Variants in TMEM260 observed in about 807,000 individuals in gnomAD.
TMEM260 encodes the protein transmembrane protein 260, also known as protein O-mannosyl-transferase TMEM260.
Under a neutral mutation model 88.9 loss-of-function variants are expected in TMEM260, and 82 were observed. The ratio of observed to expected loss-of-function variants is 0.92; its 90% CI spans 0.77 to 1.11. TMEM260 has a LOEUF of 1.11. TMEM260 is among the 50% of genes least tolerant of loss of function. TMEM260 has a pLI of 0.00. For synonymous variants in TMEM260, 314 were observed against 309.3 expected, an observed-to-expected ratio of 1.02 and a Z score of -0.16; for missense variants, 902 against 853.4, an observed-to-expected ratio of 1.06 and a Z score of -0.71.
rs1486470893 is a variant in TMEM260, at chr14:56,579,890, C to T, written c.-25C>T. 3 of 1,232,120 alleles carry T rather than the reference C, an allele frequency of 2.4e-6. No individual in the cohort carries two copies. Among genetic ancestry groups the T allele is most frequent in the African/African-American group, 3.1e-5 (2 of 64,426 alleles). 76.3% of individuals were successfully genotyped at this position (1,232,120 alleles called of 1,614,324 possible). A position where few individuals can be genotyped will look rare whatever the true frequency, so the allele number is the denominator to read the frequency against. The stretch of plus-strand genomic sequence containing the variant: ...ACCGGGTTCTTGGGCTGGCCGTGTC[C>T]TTCTCCCTCGGTCGCCACTGGCCCA... On this transcript the variant is annotated 5_prime_UTR_variant, in exon 1 of 16. Transcript: ENST00000261556.
chr14:56,585,862 T>C lies in TMEM260; in HGVS notation c.294T>C (p.Cys98=), dbSNP rs1594807900. 2 of 1,613,606 alleles carry C rather than the reference T, an allele frequency of 1.2e-6. No homozygotes were observed. Among genetic ancestry groups the C allele is most frequent in the South Asian group, 1.1e-5 (1 of 91,054 alleles). ...GSIAYRVNLL[C]GLFGAVAASL... is the part of the protein sequence containing the mutation. ...TTGCCTACCGCGTCAATCTTCTCTG[T>C]GGCTTATTTGGAGCAGTAGCTGCAT... is the stretch of plus-strand genomic sequence containing the variant. Residue 98 remains cysteine, a synonymous_variant, in exon 3 of 16, where the codon TGT becomes TGC. Transcript: ENST00000261556.
downstream of TMEM260, among the ~76,000 whole-genome samples, chr14:56,655,400 A>G (rs2139672343): frequency 6.6e-6 from 1 of 152,204 alleles, no homozygotes; most frequent in Admixed American, 6.5e-5. Flanking sequence ...AAAAAAAAAA[A>G]AAAGTAATTT....
At chr14:56,638,993 A>G (rs926453721) in intron 15 of TMEM260, among the ~76,000 whole-genome samples, 29 of 152,214 alleles carry the variant, frequency 1.9e-4, no homozygotes, top group Non-Finnish European at 2.6e-4. Flanking sequence ...AAATAAGTTG[A>G]TAATGTGTCA....
At chr14:56,626,797 A>G (rs1323967089) in intron 12 of TMEM260, among the ~76,000 whole-genome samples, 1 of 151,998 alleles carries the variant, frequency 6.6e-6, no homozygotes, top group East Asian at 1.9e-4. Flanking sequence ...CTTTGAGGAA[A>G]CTCTAAACAA....
In TMEM260 at chr14:56,616,036, T is replaced by C. The variant is rs1169020019; in HGVS notation, c.941+9T>C. On this transcript the variant is annotated intron_variant, in intron 8 of 15. Transcript: ENST00000261556. ...ATATGTTTAGCAACAAAGTAAGTAA[T>C]ACAATTCCTTTTTCTGTTATTTTTC... 1.3e-6 allele frequency: 2 copies of C among 1,584,460 alleles called. No homozygotes were observed. The highest frequency in any genetic ancestry group is 1.7e-5 in the Admixed American group (1 of 59,708).
chr14:56,605,474 C>A lies in TMEM260; in HGVS notation c.523-96C>A. On this transcript the variant is annotated intron_variant, in intron 4 of 15. Transcript: ENST00000261556. ...AGGTTGATTTTAACCTAACATGATA[C>A]GAATGCTTGGTTTTAATATAAAAAT... 7.5e-6 allele frequency: 4 copies of A among 532,410 alleles called. No individual in the cohort carries two copies. In the South Asian group the frequency reaches 1.3e-4, roughly 17 times the overall value. The allele number at this position is 532,410 out of a possible 1,614,324, so 33.0% of individuals were successfully genotyped here.
rs958185050 is a variant in TMEM260 at position 56,581,954 on chromosome 14, A to G, written c.160+1880A>G. Among the ~76,000 whole-genome samples, 7 of 152,294 alleles carry G rather than the reference A, an allele frequency of 4.6e-5. 1 individual carries two copies. The highest frequency in any genetic ancestry group is 1.9e-4 in the East Asian group (1 of 5,184). On this transcript the variant is annotated intron_variant, in intron 1 of 15. Transcript: ENST00000261556. ...TAATACTGTATTTTATTTTTTCCTA[A>G]AAGAATAAAGTTGTGTATTCACCTT...
At chr14:56,605,777 C>G (rs1159157017) in intron 5 of TMEM260, 94 bp downstream of exon 5, 1 of 743,690 alleles carries the variant, frequency 1.3e-6, no homozygotes, top group African/African-American at 1.8e-5. Flanking sequence ...TTTAATTTTT[C>G]TTGGGTTTCA....
intron 15 of TMEM260, among the ~76,000 whole-genome samples, chr14:56,638,477 G>T (rs906467063): frequency 7.9e-5 from 12 of 152,074 alleles, no homozygotes; most frequent in Non-Finnish European, 1.8e-4. Context: ...TCTCATCAGC[G>T]ACCTCTTCTA....
intron 12 of TMEM260, among the ~76,000 whole-genome samples, chr14:56,629,335 G>T (rs1183723349): frequency 6.7e-6 from 1 of 148,846 alleles, no homozygotes; most frequent in Non-Finnish European, 1.5e-5. Flanking sequence ...ACTTTTCATG[G>T]TATACTTAGG....
chr14:56,589,536 C>A (rs745442711), intron 3 of TMEM260, among the ~76,000 whole-genome samples: 2 of 152,030 alleles, frequency 1.3e-5, no homozygotes, highest in African/African-American at 2.4e-5. Context: ...AAAAATACTT[C>A]CTAACATCAT....
chr14:56,646,514 T>C (rs1426408380), intron 15 of TMEM260, among the ~76,000 whole-genome samples: 2 of 152,214 alleles, frequency 1.3e-5, no homozygotes, highest in African/African-American at 4.8e-5. Context: ...TTTTTGATGT[T>C]TCCTGTAGAA....
At chr14:56,603,601 G>A (rs576181688) in intron 3 of TMEM260, among the ~76,000 whole-genome samples, 6 of 152,246 alleles carry the variant, frequency 3.9e-5, no homozygotes, top group Admixed American at 1.3e-4. Context: ...CTAGCCATAG[G>A]TTAGTTTATT....
intron 1 of TMEM260, among the ~76,000 whole-genome samples, chr14:56,580,451 T>C (rs1055762495): frequency 6.6e-6 from 1 of 152,246 alleles, no homozygotes; most frequent in African/African-American, 2.4e-5. Context: ...GGCGAACAGA[T>C]AATTGCTAGT....
chr14:56,660,043 A>G, the TMEM260 span, among the ~76,000 whole-genome samples: 1 of 152,342 alleles, frequency 6.6e-6, no homozygotes, highest in Non-Finnish European at 1.5e-5. Flanking sequence ...TAAACCTGCT[A>G]CTATAAATTT....
intron 3 of TMEM260, among the ~76,000 whole-genome samples, chr14:56,599,731 A>C (rs992008869): frequency 5.9e-5 from 9 of 152,148 alleles, no homozygotes; most frequent in Non-Finnish European, 1.2e-4. Context: ...AAAACAAACA[A>C]CCTCCTGATT....
chr14:56,636,386 A>AAAAT (rs1889073499), intron 14 of TMEM260, 122 bp from the exon 15 acceptor site: 2 of 741,624 alleles, frequency 2.7e-6, no homozygotes, highest in Middle Eastern at 2.4e-4. Context: ...GAGAGAATTG[A>AAAAT]AAATAATACA....
the TMEM260 span, among the ~76,000 whole-genome samples, chr14:56,656,111 A>C: frequency 6.6e-6 from 1 of 152,130 alleles, no homozygotes; most frequent in Non-Finnish European, 1.5e-5. Context: ...TGTGACTTGG[A>C]GTAAGTTTTT....
In TMEM260 at chr14:56,631,989, A is replaced by G. The variant is rs1006317761; in HGVS notation, c.1548-1006A>G. ...CAGAGAGCCCTCTCCTGCCCTGCTC[A>G]TGCCTGACTAGCTACCTATGGTAAC... On this transcript the variant is annotated intron_variant, in intron 12 of 15. Transcript: ENST00000261556. 2.0e-5 allele frequency among the ~76,000 whole-genome samples: 3 copies of G among 152,168 alleles called. No individual in the cohort carries two copies. In the East Asian group the frequency reaches 5.8e-4, roughly 29 times the overall value.
Sources: allele counts gnomAD v4.1 joint callset (sites outside exome capture counted in the v4.1 genomes callset), GRCh38; gene constraint gnomAD v4.1.1; transcripts MANE v1.5; gene names NCBI Gene and HGNC (gene_info 2026-07-23, HGNC 2026-07-21).